PLCE1: variants seen among roughly 807,000 people sequenced by gnomAD.
The protein encoded by PLCE1 is phospholipase C epsilon 1.
In PLCE1, 119 loss-of-function variants were observed where a neutral mutation model predicts 242.8. That is an observed-to-expected ratio of 0.49 (90% CI 0.42 to 0.57). The LOEUF is 0.57. PLCE1 is among the 20% of genes least tolerant of loss of function. PLCE1 has a pLI of 0.00. For synonymous variants in PLCE1, 945 were observed against 1,017.4 expected (o/e 0.93, Z 1.35); for missense variants, 2,441 against 2,788.8 (o/e 0.88, Z 2.81).
intron 4 of PLCE1, among the ~76,000 whole-genome samples, chr10:94,207,232 C>A (rs2136884472): frequency 6.6e-6 from 1 of 152,174 alleles, no homozygotes; most frequent in South Asian, 2.1e-4. Context: ...TGCAAGGATG[C>A]AGAATGGAGA....
chr10:94,294,248 C>A (rs2133463940), intron 23 of PLCE1, among the ~76,000 whole-genome samples: 1 of 152,288 alleles, frequency 6.6e-6, no homozygotes, highest in South Asian at 2.1e-4. Context: ...GTTCTCTTCA[C>A]CATTATAACT....
intron 5 of PLCE1, among the ~76,000 whole-genome samples, chr10:94,231,348 T>C (rs978721277): frequency 2.0e-5 from 3 of 152,148 alleles, no homozygotes; most frequent in Admixed American, 6.6e-5. Flanking sequence ...AAAAAAGAAT[T>C]CTCACTGTCT....
In PLCE1 at chr10:94,076,679, C is replaced by T. The variant is rs558415902; in HGVS notation, c.1206+44427C>T. Among the ~76,000 whole-genome samples, 49 of 152,006 alleles carry T rather than the reference C, an allele frequency of 3.2e-4. 1 individual carries two copies. Among genetic ancestry groups the T allele is most frequent in the African/African-American group, 1.1e-3 (46 of 41,334 alleles). On this transcript the variant is annotated intron_variant, in intron 2 of 32. Transcript: ENST00000371380. ...GTACAGTTGGAGGACTGTTATTCTG[C>T]AGACTGGAATACTTCCAGTCTGATG...
intron 22 of PLCE1, among the ~76,000 whole-genome samples, chr10:94,285,223 A>G (rs917649760): frequency 6.6e-6 from 1 of 152,170 alleles, no homozygotes; most frequent in Non-Finnish European, 1.5e-5. Flanking sequence ...TATAATACTC[A>G]TAATTTCTAA....
intron 6 of PLCE1, among the ~76,000 whole-genome samples, chr10:94,234,689 G>A (rs1225855351): frequency 6.6e-6 from 1 of 152,188 alleles, no homozygotes; most frequent in East Asian, 1.9e-4. Flanking sequence ...GAAGAAAAAA[G>A]AGGGGAAGTC....
intron 23 of PLCE1, among the ~76,000 whole-genome samples, chr10:94,297,021 G>A (rs552172473): frequency 2.0e-5 from 3 of 151,840 alleles, no homozygotes; most frequent in South Asian, 4.2e-4. Context: ...TGACAGGCGC[G>A]TGTGCCTGGC....
At chr10:94,036,183 A>T (rs537672978) in intron 2 of PLCE1, among the ~76,000 whole-genome samples, 2 of 152,224 alleles carry the variant, frequency 1.3e-5, no homozygotes, top group East Asian at 1.9e-4. Flanking sequence ...GTTAAATGAG[A>T]TGCTACCCAC....
chr10:94,011,040 CTG>C (rs1216325851), intron 1 of PLCE1, among the ~76,000 whole-genome samples: 13 of 152,114 alleles, frequency 8.5e-5, no homozygotes, highest in Non-Finnish European at 2.9e-5. Context: ...TACTGATTTT[CTG>C]TGTTAGTCAT....
Position 94,255,050 on chromosome 10 carries a change from G to T in PLCE1, c.3554+1G>T. On this transcript the variant is annotated splice_donor_variant, in intron 11 of 32. Coordinates refer to ENST00000371380, the MANE Select transcript of PLCE1 (RefSeq NM_016341.4). LOFTEE classifies it high-confidence loss of function. Reference sequence around the variant, plus strand: ...CTTCTTCAAACAAGAGCCCATCCAGGTGGGGCCTTAACATGATAAAACAGA... The same window carrying T: ...CTTCTTCAAACAAGAGCCCATCCAGTTGGGGCCTTAACATGATAAAACAGA... 1.2e-6 allele frequency: 2 copies of T among 1,614,052 alleles called. No individual in the cohort carries two copies. Among genetic ancestry groups the T allele is most frequent in the Non-Finnish European group, 1.7e-6 (2 of 1,179,968 alleles).
chr10:94,211,139 T>C (rs1173750603), intron 4 of PLCE1, among the ~76,000 whole-genome samples: 1 of 152,240 alleles, frequency 6.6e-6, no homozygotes, highest in East Asian at 1.9e-4. Context: ...CTCCCTTTTG[T>C]TCCTTGGCTT....
chr10:94,052,982 A>G (rs187514285), intron 2 of PLCE1, among the ~76,000 whole-genome samples: 24 of 152,318 alleles, frequency 1.6e-4, no homozygotes, highest in Non-Finnish European at 3.4e-4. Context: ...ATTGCCTTGG[A>G]TATGCTTTTA....
chr10:94,265,751 G>A, intron 15 of PLCE1, 42 bp from the exon 16 acceptor site: 1 of 1,613,098 alleles, frequency 6.2e-7, no homozygotes, highest in Non-Finnish European at 8.5e-7. Context: ...AAGAGTAGAT[G>A]CATTTTTCCC....
chr10:94,032,193 T>C lies in PLCE1; in HGVS notation c.1147T>C (p.Ser383Pro), dbSNP rs202112015. The change falls in exon 2 of 33, where the codon TCA becomes CCA. Residue 383 changes from serine to proline, a missense_variant. Around this residue, in one of 5 missense-constraint regions of PLCE1, gnomAD observed 733 missense variants for 754.2 expected, o/e 0.97. Transcript: ENST00000371380. ...TTGTGGGAGAGTAATGGAACCCCCG[T>C]CAACAGTGGAGATAAGGCAAGATGG... Reference protein sequence around the residue: ...LPCGRVMEPPSTVEIRQDGSQ... With the variant: ...LPCGRVMEPPPTVEIRQDGSQ... The C allele has an allele frequency of 1.2e-6, 2 of 1,612,934 alleles. No homozygotes were observed. The highest frequency in any genetic ancestry group is 1.7e-6 in the Non-Finnish European group (2 of 1,179,560).
At chr10:94,297,331 G>A (rs1564872919) in intron 23 of PLCE1, among the ~76,000 whole-genome samples, 1 of 152,068 alleles carries the variant, frequency 6.6e-6, no homozygotes, top group Non-Finnish European at 1.5e-5. Flanking sequence ...GGTGGGTAGA[G>A]CAGTCAGAGC....
At chr10:94,082,887 G>A (rs1310378534) in intron 2 of PLCE1, among the ~76,000 whole-genome samples, 1 of 152,054 alleles carries the variant, frequency 6.6e-6, no homozygotes. Context: ...AAAAACCAAT[G>A]GCAAACATTT....
chr10:94,300,600 C>A (rs190152676), intron 24 of PLCE1, among the ~76,000 whole-genome samples: 3 of 152,216 alleles, frequency 2.0e-5, no homozygotes, highest in African/African-American at 7.2e-5. Context: ...GGGGGTACAG[C>A]CTGATTTAAT....
At chr10:94,061,011 ACTTATGAAACCTTTCAGCATTTCTTAGT>A (rs980034290) in intron 2 of PLCE1, among the ~76,000 whole-genome samples, 6 of 151,924 alleles carry the variant, frequency 3.9e-5, no homozygotes, top group African/African-American at 1.5e-4. Flanking sequence ...CCCTTATTTA[ACTTATGAAACCTTTCAGCATTTCTTAGT>A]CTCCGTACTG....
At chr10:94,128,223 T>G (rs939620004) in intron 2 of PLCE1, among the ~76,000 whole-genome samples, 81 of 152,292 alleles carry the variant, frequency 5.3e-4, no homozygotes, top group African/African-American at 1.8e-3. Flanking sequence ...TCTGACCTTG[T>G]GATCCACCCA....
intron 2 of PLCE1, among the ~76,000 whole-genome samples, chr10:94,071,632 G>A (rs932231760): frequency 4.0e-5 from 6 of 150,160 alleles, no homozygotes; most frequent in African/African-American, 1.5e-4. Flanking sequence ...CCCAGTATCT[G>A]GGACTACAGG....
Sources: gnomAD v4.1 joint callset for allele counts (sites outside exome capture counted in the v4.1 genomes callset) on GRCh38, gnomAD v4.1.1 for gene constraint, gnomAD v4.1.1 regional missense constraint, MANE v1.5 for transcripts, NCBI Gene and HGNC (gene_info 2026-07-23, HGNC 2026-07-21) for gene names.